The following GARRE1 variants were observed in gnomAD, a reference collection of about 807,000 sequenced individuals.
GARRE1 encodes granule associated Rac and RHOG effector 1.
A neutral mutation model predicts 103.2 loss-of-function variants in GARRE1; 49 were observed. The ratio of observed to expected loss-of-function variants is 0.47; its 90% CI spans 0.38 to 0.60. The LOEUF is 0.60. Among genes scored for constraint, GARRE1 ranks in the 20% least tolerant of loss-of-function variants. The pLI, the probability that GARRE1 is intolerant of heterozygous loss-of-function variation, is 0.00. For missense variants in GARRE1, 1,199 were observed against 1,370.5 expected (o/e 0.87, Z 1.98); for synonymous variants, 505 against 532.8 (o/e 0.95, Z 0.72).
intron 1 of GARRE1, among the ~76,000 whole-genome samples, chr19:34,278,431 C>T (rs973440671): frequency 1.9e-5 from 2 of 107,976 alleles, no homozygotes; most frequent in Non-Finnish European, 3.5e-5. Context: ...GGTGACAGAG[C>T]AAGACTCCAT....
chr19:34,278,499 TC>T (rs1156259365), intron 1 of GARRE1, among the ~76,000 whole-genome samples: 1 of 150,232 alleles, frequency 6.7e-6, no homozygotes, highest in Non-Finnish European at 1.5e-5. Context: ...CTCCCCATTT[TC>T]CCCTTCTCTC....
chr19:34,342,515 T>C, intron 10 of GARRE1, 60 bp downstream of exon 10: 1 of 1,436,088 alleles, frequency 7.0e-7, no homozygotes, highest in South Asian at 1.3e-5. Context: ...GCCGAGGTCT[T>C]CCCAGGGCCT....
At chr19:34,270,718 A>G (rs866844851) in intron 1 of GARRE1, among the ~76,000 whole-genome samples, 5 of 152,198 alleles carry the variant, frequency 3.3e-5, no homozygotes, top group Admixed American at 6.5e-5. Context: ...TGGACCCGTT[A>G]TAGCTTAATT....
chr19:34,322,299 G>A (rs1430686823), intron 3 of GARRE1, among the ~76,000 whole-genome samples: 2 of 151,916 alleles, frequency 1.3e-5, no homozygotes. Context: ...AGCCTCCCGA[G>A]TAGCTGGGAT....
chr19:34,351,691 T>G, intron 13 of GARRE1, 99 bp downstream of exon 13: 1 of 823,618 alleles, frequency 1.2e-6, no homozygotes, highest in East Asian at 2.7e-5. Flanking sequence ...TTGTGGTGAT[T>G]AATTTTGTGT....
chr19:34,334,771 G>C (rs755895223), intron 8 of GARRE1, among the ~76,000 whole-genome samples: 2 of 151,412 alleles, frequency 1.3e-5, no homozygotes, highest in Non-Finnish European at 2.9e-5. Context: ...AAACCATATG[G>C]GGCCAGGTGG....
intron 2 of GARRE1, among the ~76,000 whole-genome samples, chr19:34,310,747 A>T (rs1049189714): frequency 6.6e-6 from 1 of 152,176 alleles, no homozygotes; most frequent in Non-Finnish European, 1.5e-5. Context: ...TGTGATGCAG[A>T]TGGAAAATAG....
At chr19:34,346,133 C>T (rs550997152) in intron 10 of GARRE1, among the ~76,000 whole-genome samples, 1 of 152,324 alleles carries the variant, frequency 6.6e-6, no homozygotes, top group South Asian at 2.1e-4. Context: ...TGACTGAAAT[C>T]ATCTTGTGAC....
At chr19:34,334,769 TG>T (rs1273294266) in intron 8 of GARRE1, among the ~76,000 whole-genome samples, 1 of 149,038 alleles carries the variant, frequency 6.7e-6, no homozygotes, top group Non-Finnish European at 1.5e-5. Context: ...AGAAACCATA[TG>T]GGGCCAGGTG....
intron 2 of GARRE1, among the ~76,000 whole-genome samples, chr19:34,302,766 A>G (rs552027233): frequency 8.4e-5 from 12 of 143,700 alleles, no homozygotes; most frequent in Non-Finnish European, 1.4e-4. Context: ...TTTTTAAAAG[A>G]CAGAGTCTCT....
At chr19:34,305,082 G>A (rs990486819) in intron 2 of GARRE1, among the ~76,000 whole-genome samples, 5 of 152,132 alleles carry the variant, frequency 3.3e-5, no homozygotes, top group African/African-American at 7.2e-5. Flanking sequence ...GTGAGCCACC[G>A]TGCCCGGCGG....
intron 1 of GARRE1, among the ~76,000 whole-genome samples, chr19:34,265,912 G>A (rs1394061997): frequency 6.6e-6 from 1 of 152,202 alleles, no homozygotes; most frequent in Admixed American, 6.5e-5. Context: ...ACTAAGAGCA[G>A]GAATTCACAT....
intron 7 of GARRE1, among the ~76,000 whole-genome samples, chr19:34,332,065 G>A (rs1441407701): frequency 6.6e-6 from 1 of 151,724 alleles, no homozygotes; most frequent in South Asian, 2.1e-4. Context: ...GAAAATTAAA[G>A]AACTTGTTTT....
At chr19:34,301,535 A>G (rs12461571) in intron 2 of GARRE1, among the ~76,000 whole-genome samples, 61,933 of 139,496 alleles carry the variant, frequency 0.44, 16,757 homozygotes, top group Non-Finnish European at 0.61. Flanking sequence ...AAAAAAAAAA[A>G]AAAGAAAAAT....
chr19:34,260,568 A>G (rs2073711291), intron 1 of GARRE1, among the ~76,000 whole-genome samples: 4 of 152,108 alleles, frequency 2.6e-5, no homozygotes, highest in Admixed American at 2.0e-4. Flanking sequence ...TTTAGGGTAC[A>G]TGTGCACAAT....
At chr19:34,256,339 C>T (rs542295055) in intron 1 of GARRE1, among the ~76,000 whole-genome samples, 3 of 151,362 alleles carry the variant, frequency 2.0e-5, no homozygotes, top group Admixed American at 6.6e-5. Context: ...TGGTGAAACC[C>T]GGATTCAACT....
intron 1 of GARRE1, among the ~76,000 whole-genome samples, chr19:34,273,455 G>A (rs1156888310): frequency 6.6e-6 from 1 of 152,100 alleles, no homozygotes; most frequent in East Asian, 1.9e-4. Context: ...CTGCCTCCGT[G>A]GTTGGCAAGG....
chr19:34,290,663 T>A (rs1484702252), intron 1 of GARRE1, among the ~76,000 whole-genome samples: 1 of 151,686 alleles, frequency 6.6e-6, no homozygotes, highest in African/African-American at 2.4e-5. Flanking sequence ...ATTTGAAAAA[T>A]TTTTTTGTAG....
chr19:34,287,061 C>T (rs747259766), intron 1 of GARRE1, among the ~76,000 whole-genome samples: 37 of 150,996 alleles, frequency 2.5e-4, no homozygotes, highest in Non-Finnish European at 5.2e-4. Context: ...ATGGCGTGAA[C>T]CCAGGGGGCG....
Sources: allele counts gnomAD v4.1 joint callset (sites outside exome capture counted in the v4.1 genomes callset), GRCh38; gene constraint gnomAD v4.1.1; transcripts MANE v1.5; gene names NCBI Gene and HGNC (gene_info 2026-07-23, HGNC 2026-07-21).